Variants in USP24 observed in about 807,000 individuals in gnomAD.
USP24 encodes the protein ubiquitin specific peptidase 24, also known as ubiquitin carboxyl-terminal hydrolase 24.
In USP24, 97 loss-of-function variants were observed where a neutral mutation model predicts 361.6. The observed-to-expected ratio is 0.27, with a 90% CI of 0.23 to 0.32. USP24 has a LOEUF of 0.32. Ranked by LOEUF, USP24 falls within the 10% of genes least tolerant of loss-of-function variation. USP24 has a pLI of 1.00. For synonymous variants in USP24, 1,098 were observed against 1,124.6 expected (o/e 0.98, Z 0.47); for missense variants, 2,353 against 3,165.6 (o/e 0.74, Z 6.16).
At chr1:55,208,122 T>A (rs1285624963) in intron 1 of USP24, among the ~76,000 whole-genome samples, 1 of 152,172 alleles carries the variant, frequency 6.6e-6, no homozygotes, top group Non-Finnish European at 1.5e-5. Flanking sequence ...TACGGCTATA[T>A]ATTCCATTAA....
In USP24 at chr1:55,072,792, C is replaced by T; in HGVS notation, c.7596G>A (p.Gln2532=). The change falls in exon 65 of 68, where the codon CAG becomes CAA. Residue 2532 remains glutamine (Q), a synonymous_variant. Coordinates refer to ENST00000294383, the MANE Select transcript of USP24 (RefSeq NM_015306.3). ...HHWSWAVQWL[Q]KKMSEHYWTP... Reference sequence around the variant, plus strand: ...AAATTCAATGTTCAGTTACCTTCTTCTGTAGCCACTGCACAGCCCAGCTCC... The same window carrying T: ...AAATTCAATGTTCAGTTACCTTCTTTTGTAGCCACTGCACAGCCCAGCTCC... 6.3e-7 allele frequency: 1 copy of T among 1,599,846 alleles called. No individual in the cohort carries two copies.
intron 16 of USP24, 89 bp from the exon 17 acceptor site, chr1:55,148,659 T>C: frequency 1.1e-6 from 1 of 917,152 alleles, no homozygotes; most frequent in Middle Eastern, 2.3e-4. Context: ...GTCAATCAGG[T>C]TTACTGTTAC....
At chr1:55,129,365 C>T (rs1436711508) in intron 32 of USP24, 112 bp downstream of exon 32, 2 of 705,562 alleles carry the variant, frequency 2.8e-6, no homozygotes, top group Non-Finnish European at 4.7e-6. Context: ...ATAACTCTCA[C>T]AATGAGTCAT....
chr1:55,149,306 TG>T (rs1433569067), intron 16 of USP24, among the ~76,000 whole-genome samples: 1 of 152,198 alleles, frequency 6.6e-6, no homozygotes, highest in Non-Finnish European at 1.5e-5. Flanking sequence ...TTTCAAAATT[TG>T]GTAAGAATTT....
chr1:55,186,323 A>C (rs1357576729), intron 1 of USP24, among the ~76,000 whole-genome samples: 1 of 152,230 alleles, frequency 6.6e-6, no homozygotes, highest in East Asian at 1.9e-4. Flanking sequence ...TACACTGCTG[A>C]TAAGAGTATA....
At position 55,096,994 on chromosome 1, in the gene USP24, T is replaced by C; in HGVS notation, c.5894A>G (p.Gln1965Arg). 6.2e-7 allele frequency: 1 copy of C among 1,613,910 alleles called. No homozygotes were observed. The highest frequency in any genetic ancestry group is 8.5e-7 in the Non-Finnish European group (1 of 1,179,870). Reference sequence around the variant, plus strand: ...GGAATAGTAGTGGCCTGCGTGTGCCTGCCCACTGTGTACGATGACACCGAC... The same window carrying C: ...GGAATAGTAGTGGCCTGCGTGTGCCCGCCCACTGTGTACGATGACACCGAC... Reference protein sequence around the residue: ...ELVGVIVHSGQAHAGHYYSFI... With the variant: ...ELVGVIVHSGRAHAGHYYSFI... The change falls in exon 49 of 68, where the codon CAG becomes CGG. Residue 1965 changes from glutamine to arginine, a missense_variant. Physicochemically the swap from Gln to Arg is conservative, Grantham distance 43. Coordinates refer to ENST00000294383, the MANE Select transcript of USP24 (RefSeq NM_015306.3).
At chr1:55,093,792 G>T in intron 52 of USP24, 145 bp downstream of exon 52, 1 of 1,139,838 alleles carries the variant, frequency 8.8e-7, no homozygotes, top group Non-Finnish European at 1.2e-6. Flanking sequence ...TCTGTGTCGT[G>T]GCATAAAAGG....
chr1:55,148,409 T>A lies in USP24; in HGVS notation c.1968+54A>T, dbSNP rs769057719. ...CTCAGCAATTTTAGCCATGTTTTGT[T>A]ATTGTAAAAGTTATGCAAGTAACTA... On this transcript the variant is annotated intron_variant, in intron 17 of 67. Transcript: ENST00000294383. The A allele has an allele frequency of 3.7e-6, 5 of 1,354,704 alleles. No individual in the cohort carries two copies. The South Asian group carries it at 6.8e-5, about 18-fold the overall frequency. The allele number at this position is 1,354,704 out of a possible 1,614,324, so 83.9% of individuals were successfully genotyped here.
intron 3 of USP24, among the ~76,000 whole-genome samples, chr1:55,175,261 C>G (rs1246385901): frequency 1.7e-5 from 2 of 119,706 alleles, no homozygotes; most frequent in East Asian, 5.4e-4. Flanking sequence ...GAGCCTCGCA[C>G]TGTCACGCGG....
intron 20 of USP24, 29 bp from the exon 21 acceptor site, chr1:55,144,232 A>T (rs1441659608): frequency 1.4e-6 from 2 of 1,446,810 alleles, no homozygotes; most frequent in African/African-American, 2.8e-5. Flanking sequence ...AAATAAATTC[A>T]TGTACTCTAC....
chr1:55,146,038 C>T lies in USP24; in HGVS notation c.2322G>A (p.Glu774=), dbSNP rs776044289. 6 of 1,612,864 alleles carry T rather than the reference C, an allele frequency of 3.7e-6. No homozygotes were observed. The highest frequency in any genetic ancestry group is 1.6e-4 in the Middle Eastern group (1 of 6,074). Residue 774 remains glutamate (E), a synonymous_variant, in exon 20 of 68, where the codon GAG becomes GAA. Transcript: ENST00000294383. ...ESDVQQQLFK[E]KILKLESYEI... is the part of the protein sequence containing the mutation. The stretch of plus-strand genomic sequence containing the variant: ...CATATGACTCCAATTTAAGAATTTT[C>T]TCCTTGAAGAGCTGCTGCTGAACAT...
intron 31 of USP24, 140 bp from the exon 32 acceptor site, chr1:55,129,714 G>T: frequency 1.7e-6 from 1 of 600,652 alleles, no homozygotes; most frequent in South Asian, 2.5e-5. Context: ...ATATGTAGAA[G>T]CTGATGTTTC....
At chr1:55,146,350 T>A (rs1022028048) in intron 19 of USP24, among the ~76,000 whole-genome samples, 20 of 152,186 alleles carry the variant, frequency 1.3e-4, no homozygotes, top group African/African-American at 4.8e-4. Flanking sequence ...GGTTTTTCCA[T>A]CAACATTTAC....
intron 31 of USP24, among the ~76,000 whole-genome samples, chr1:55,132,020 A>G (rs1451489422): frequency 6.6e-6 from 1 of 152,208 alleles, no homozygotes; most frequent in African/African-American, 2.4e-5. Flanking sequence ...TACTCATAAG[A>G]TCTTGGAGTG....
chr1:55,178,474 G>T (rs989462364), intron 1 of USP24, among the ~76,000 whole-genome samples: 15 of 151,832 alleles, frequency 9.9e-5, no homozygotes, highest in Non-Finnish European at 1.8e-4. Context: ...CGAGACCATC[G>T]TGGCTAACAC....
At chr1:55,159,816 C>CTACT in intron 8 of USP24, 131 bp from the exon 9 acceptor site, 1 of 759,162 alleles carries the variant, frequency 1.3e-6, no homozygotes, top group East Asian at 2.7e-5. Context: ...ATCAGAGCAG[C>CTACT]TACTAACTAG....
At position 55,158,866 on chromosome 1, in the gene USP24, T is replaced by A. The variant is rs1394669262; in HGVS notation, c.1227+12A>T. 2.0e-6 allele frequency: 3 copies of A among 1,485,544 alleles called. No individual in the cohort carries two copies. Among genetic ancestry groups the A allele is most frequent in the East Asian group, 2.4e-5 (1 of 41,298 alleles). The allele number at this position is 1,485,544 out of a possible 1,614,324, so 92.0% of individuals were successfully genotyped here. On this transcript the variant is annotated intron_variant, in intron 10 of 67. Transcript: ENST00000294383. ...GTGCATTAAGTCTTGTAGAAACAAA[T>A]GAAAAACTTACTTCTTTGAGAGAAT...
At chr1:55,176,338 GAC>G (rs779067952) in intron 3 of USP24, 36 bp downstream of exon 3, 47 of 1,484,606 alleles carry the variant, frequency 3.2e-5, no homozygotes, top group Non-Finnish European at 4.2e-5. Flanking sequence ...CCCCCACCCC[GAC>G]ACACACAAAA....
intron 21 of USP24, 104 bp downstream of exon 21, chr1:55,144,023 A>G: frequency 1.0e-6 from 1 of 957,538 alleles, no homozygotes; most frequent in Non-Finnish European, 1.5e-6. Flanking sequence ...GTTCTTTACC[A>G]AAAAAATCCA....
Sources: gnomAD v4.1 joint callset for allele counts (sites outside exome capture counted in the v4.1 genomes callset) on GRCh38, gnomAD v4.1.1 for gene constraint, MANE v1.5 for transcripts, NCBI Gene and HGNC (gene_info 2026-07-23, HGNC 2026-07-21) for gene names.